The following HPR variants were observed in gnomAD, a reference collection of about 807,000 sequenced individuals.
HPR encodes haptoglobin-related protein.
HPR carries 17 observed loss-of-function variants against 18.5 expected under a neutral mutation model. The observed-to-expected ratio is 0.92, with a 90% CI of 0.63 to 1.38. The LOEUF (loss-of-function observed/expected upper bound fraction) is 1.38. Among genes scored for constraint, HPR ranks in the 40% most tolerant of loss-of-function variants. The probability of loss-of-function intolerance (pLI) is 0.00; values close to 1 mark genes in which losing one functional copy is unlikely to be tolerated. For missense variants in HPR, 457 were observed against 432.4 expected, an observed-to-expected ratio of 1.06 and a Z score of -0.51; for synonymous variants, 176 against 165.0, an observed-to-expected ratio of 1.07 and a Z score of -0.51.
intron 1 of HPR, among the ~76,000 whole-genome samples, chr16:72,070,543 C>T (rs1389669898): frequency 4.6e-5 from 7 of 152,182 alleles, no homozygotes; most frequent in Non-Finnish European, 8.8e-5. Flanking sequence ...AAGGCGCTGC[C>T]ACCTCCAGGA....
intron 1 of HPR, among the ~76,000 whole-genome samples, chr16:72,064,828 T>A (rs1486461078): frequency 6.6e-6 from 1 of 152,170 alleles, no homozygotes; most frequent in African/African-American, 2.4e-5. Flanking sequence ...AAAGGGTCTT[T>A]GATCACCTCT....
intron 1 of HPR, among the ~76,000 whole-genome samples, chr16:72,066,334 G>C (rs2041597379): frequency 6.6e-6 from 1 of 152,114 alleles, no homozygotes; most frequent in African/African-American, 2.4e-5. Context: ...TCTATCCTAG[G>C]CATCTTCTTT....
intron 1 of HPR, among the ~76,000 whole-genome samples, chr16:72,070,363 C>T (rs1010542890): frequency 1.6e-4 from 24 of 152,194 alleles, no homozygotes; most frequent in Admixed American, 1.4e-3. Flanking sequence ...CAGGCGCCAC[C>T]GCTGGAGTTT....
intron 4 of HPR, among the ~76,000 whole-genome samples, chr16:72,075,867 C>T (rs1307376035): frequency 6.8e-6 from 1 of 146,664 alleles, no homozygotes; most frequent in Non-Finnish European, 1.5e-5. Flanking sequence ...GTTTTGCTCT[C>T]GTCGCCTAGG....
At chr16:72,067,692 G>A (rs563464226) in intron 1 of HPR, among the ~76,000 whole-genome samples, 1 of 152,328 alleles carries the variant, frequency 6.6e-6, no homozygotes, top group East Asian at 1.9e-4. Context: ...TAGAGGGCAT[G>A]CTAGGGCTAA....
At position 72,075,830 on chromosome 16, in the gene HPR, T is replaced by C. The variant is rs2041714500; in HGVS notation, c.269-473T>C. Among the ~76,000 whole-genome samples the C allele has an allele frequency of 2.7e-5, 4 of 150,166 alleles. No homozygotes were observed. The South Asian group carries it at 8.3e-4, about 31-fold the overall frequency. ...CTCCTAGCCCTTTCTTTTTTCTTTC[T>C]TTCTTTTTTTTTTTTTTTGAGACAG... On this transcript the variant is annotated intron_variant, in intron 4 of 4. Coordinates refer to ENST00000540303, the MANE Select transcript of HPR (RefSeq NM_020995.4).
chr16:72,069,662 T>C (rs1056208460), intron 1 of HPR, among the ~76,000 whole-genome samples: 1 of 152,194 alleles, frequency 6.6e-6, no homozygotes, highest in Non-Finnish European at 1.5e-5. Flanking sequence ...TATGGATGTA[T>C]AAGAATTTAC....
chr16:72,075,965 G>A (rs919421481), intron 4 of HPR, among the ~76,000 whole-genome samples: 7 of 151,778 alleles, frequency 4.6e-5, no homozygotes, highest in African/African-American at 4.8e-5. Flanking sequence ...GTGAGCCACC[G>A]CATCTGGCCC....
chr16:72,072,305 G>A (rs535750513), intron 1 of HPR, among the ~76,000 whole-genome samples: 1 of 152,316 alleles, frequency 6.6e-6, no homozygotes, highest in South Asian at 2.1e-4. Flanking sequence ...ACTGTGCCCA[G>A]CCTATGATTT....
At chr16:72,074,083 C>T in intron 2 of HPR, 106 bp downstream of exon 2, 1 of 1,477,742 alleles carries the variant, frequency 6.8e-7, no homozygotes, top group East Asian at 2.3e-5. Context: ...GTTCCCCATT[C>T]TTATCCTGAC....
chr16:72,076,012 T>C (rs769628374), intron 4 of HPR, among the ~76,000 whole-genome samples: 16 of 152,216 alleles, frequency 1.1e-4, no homozygotes, highest in Admixed American at 9.2e-4. Context: ...ATTGTGAAAA[T>C]TCCTTTGTTG....
chr16:72,076,030 T>C (rs2041718417), intron 4 of HPR, among the ~76,000 whole-genome samples: 2 of 152,138 alleles, frequency 1.3e-5, no homozygotes, highest in Admixed American at 1.3e-4. Context: ...TTGAGATAAT[T>C]GTTTAAATAT....
intron 1 of HPR, among the ~76,000 whole-genome samples, chr16:72,072,998 C>T (rs1215198802): frequency 6.6e-6 from 1 of 152,158 alleles, no homozygotes; most frequent in Non-Finnish European, 1.5e-5. Context: ...TCCCGCCAGT[C>T]GTTATCTATA....
intron 1 of HPR, among the ~76,000 whole-genome samples, chr16:72,065,235 G>C (rs1319153087): frequency 6.6e-6 from 1 of 152,138 alleles, no homozygotes; most frequent in Non-Finnish European, 1.5e-5. Context: ...GGCCAGAGTG[G>C]ATGAAGCAAA....
At position 72,076,340 on chromosome 16, in the gene HPR, G is replaced by C; in HGVS notation, c.306G>C (p.Gln102His). 1.9e-6 allele frequency: 3 copies of C among 1,613,984 alleles called. No homozygotes were observed. Among genetic ancestry groups the C allele is most frequent in the Non-Finnish European group, 2.5e-6 (3 of 1,179,936 alleles). Reference protein sequence around the residue: ...GKPKNPANPVQRILGGHLDAK... With the variant: ...GKPKNPANPVHRILGGHLDAK... The stretch of plus-strand genomic sequence containing the variant: ...CCAAGAATCCGGCAAACCCAGTGCA[G>C]CGGATCCTGGGTGGACACCTGGATG... Residue 102 changes from glutamine to histidine, a missense_variant, in exon 5 of 5, where the codon CAG becomes CAC. Physicochemically the swap from Gln to His is conservative, Grantham distance 24 (BLOSUM62 0). Transcript: ENST00000540303.
intron 1 of HPR, 97 bp from the exon 2 acceptor site, chr16:72,073,795 T>C (rs748020157): frequency 4.4e-5 from 29 of 662,856 alleles, no homozygotes; most frequent in South Asian, 9.7e-5. Flanking sequence ...TGTGTGTGCG[T>C]GTGTGTGTGT....
intron 3 of HPR, chr16:72,074,623 G>A: frequency 1.4e-6 from 1 of 715,184 alleles, no homozygotes; most frequent in Non-Finnish European, 2.6e-6. Context: ...CCTACCTCAT[G>A]TAAATCTCAG....
chr16:72,073,853 G>C, intron 1 of HPR, 39 bp from the exon 2 acceptor site: 1 of 1,613,342 alleles, frequency 6.2e-7, no homozygotes, highest in Non-Finnish European at 8.5e-7. Context: ...GTGAAGCAGG[G>C]AGACCAGCTT....
intron 2 of HPR, 91 bp downstream of exon 2, chr16:72,074,068 AC>A: frequency 1.3e-6 from 2 of 1,538,354 alleles, no homozygotes; most frequent in Non-Finnish European, 1.8e-6. Flanking sequence ...CTTTGAGAAC[AC>A]ACAGTTCCCC....
Sources: allele counts gnomAD v4.1 joint callset (sites outside exome capture counted in the v4.1 genomes callset), GRCh38; gene constraint gnomAD v4.1.1; transcripts MANE v1.5; gene names NCBI Gene and HGNC (gene_info 2026-07-23, HGNC 2026-07-21).